The following ECE2 variants were observed in gnomAD, a reference collection of about 807,000 sequenced individuals.
ECE2 encodes the protein endothelin-converting enzyme 2.
In ECE2, 81 loss-of-function variants were observed where a neutral mutation model predicts 100.6. The ratio of observed to expected loss-of-function variants is 0.81; its 90% CI spans 0.67 to 0.97. ECE2 has a LOEUF of 0.97. Among genes scored for constraint, ECE2 ranks in the 50% least tolerant of loss-of-function variants. The probability of loss-of-function intolerance (pLI) is 0.00; values close to 1 mark genes in which losing one functional copy is unlikely to be tolerated. For synonymous variants in ECE2, 391 were observed against 391.5 expected (o/e 1.00, Z 0.02); for missense variants, 911 against 988.1 (o/e 0.92, Z 1.05).
At chr3:184,290,075 T>C (rs1297317159) in intron 13 of ECE2, among the ~76,000 whole-genome samples, 180 bp from the exon 14 acceptor site, 1 of 152,182 alleles carries the variant, frequency 6.6e-6, no homozygotes, top group Non-Finnish European at 1.5e-5. Context: ...GAATACAGTA[T>C]GTAAAAAAAC....
rs970231518 is a variant in ECE2 at position 184,292,468 on chromosome 3, C to T, written c.*230C>T. The T allele has an allele frequency of 3.9e-5, 22 of 567,988 alleles. No individual in the cohort carries two copies. In the Admixed American group the frequency reaches 4.3e-4, roughly 11 times the overall value. 35.2% of individuals were successfully genotyped at this position (567,988 alleles called of 1,614,324 possible). ...CCCACCATTCACTGTGACATCTTTCCGTGTCACCCTGCCTGGAAGAGGTCT... is the reference window on the plus strand; with the variant it reads ...CCCACCATTCACTGTGACATCTTTCTGTGTCACCCTGCCTGGAAGAGGTCT... On this transcript the variant is annotated 3_prime_UTR_variant, in exon 19 of 19. Transcript: ENST00000404464.
rs748946851 is a variant in ECE2 at position 184,277,415 on chromosome 3, A to G, written c.427A>G (p.Thr143Ala). ...GCCCGATGGGCGTTCTCGCTGGAACACCTTCAACAGCCTCTGGGACCAAAA... is the reference window on the plus strand; with the variant it reads ...GCCCGATGGGCGTTCTCGCTGGAACGCCTTCAACAGCCTCTGGGACCAAAA... ...PLPDGRSRWN[T>A]FNSLWDQNQA... is the part of the protein sequence containing the mutation. The change falls in exon 4 of 19, where the codon ACC becomes GCC. Residue 143 changes from threonine to alanine, a missense_variant. Physicochemically the swap from Thr to Ala is moderately conservative, Grantham distance 58 (BLOSUM62 0). Coordinates refer to ENST00000404464, the MANE Select transcript of ECE2 (RefSeq NM_001100121.2). The G allele has an allele frequency of 1.2e-6, 2 of 1,614,162 alleles. No homozygotes were observed. Among genetic ancestry groups the G allele is most frequent in the Admixed American group, 3.3e-5 (2 of 60,034 alleles).
chr3:184,288,935 T>C (rs1004248369), intron 11 of ECE2, among the ~76,000 whole-genome samples: 10 of 152,132 alleles, frequency 6.6e-5, no homozygotes, highest in African/African-American at 2.2e-4. Context: ...GGCGGGTGGA[T>C]CACGTGGTCA....
At chr3:184,290,431 A>G in intron 14 of ECE2, 73 bp downstream of exon 14, 1 of 1,571,066 alleles carries the variant, frequency 6.4e-7, no homozygotes, top group Non-Finnish European at 8.8e-7. Flanking sequence ...GGATGGGGGA[A>G]AAGGGTGGCA....
Position 184,291,254 on chromosome 3 carries a change from A to G in ECE2, c.2025+24A>G, listed in dbSNP as rs1369254980. ...ATGTGAGTGGCCTGACCAGCCCTCC[A>G]GCGGCTGAGGCCTGCTGGCCTGGGG... On this transcript the variant is annotated intron_variant, in intron 17 of 18. Coordinates refer to ENST00000404464, the MANE Select transcript of ECE2 (RefSeq NM_001100121.2). The surrounding 1 kb of genome is among the most constrained non-coding windows in gnomAD (Gnocchi z 4.1). 1 of 1,603,570 alleles carries G rather than the reference A, an allele frequency of 6.2e-7. No homozygotes were observed. The highest frequency in any genetic ancestry group is 2.2e-5 in the East Asian group (1 of 44,786).
intron 7 of ECE2, among the ~76,000 whole-genome samples, chr3:184,279,704 G>T (rs1425163414): frequency 6.6e-6 from 1 of 151,432 alleles, no homozygotes; most frequent in Non-Finnish European, 1.5e-5. Context: ...GGTGTGTCTG[G>T]ACCATGGCAA....
intron 4 of ECE2, among the ~76,000 whole-genome samples, 185 bp from the exon 5 acceptor site, chr3:184,277,740 A>C (rs1488421967): frequency 6.6e-6 from 1 of 152,234 alleles, no homozygotes; most frequent in East Asian, 1.9e-4. Flanking sequence ...TGTACTGCTT[A>C]GATATCCTTG....
In ECE2 at chr3:184,289,120, A is replaced by G. The variant is rs374516911; in HGVS notation, c.1375-317A>G. Among the ~76,000 whole-genome samples the G allele has an allele frequency of 1.2e-3, 175 of 151,432 alleles. No homozygotes were observed. The highest frequency in any genetic ancestry group is 4.1e-3 in the African/African-American group (170 of 41,262). ...CAGTGAGCCGAGATTGCGCCACTGC[A>G]CTCCATCCTAGGTAACACAGCCAGA... On this transcript the variant is annotated intron_variant, in intron 11 of 18. Transcript: ENST00000404464. This position sits in a 1 kb window ranked among gnomAD's most constrained non-coding sequence, Gnocchi z 4.1.
At chr3:184,276,399 G>A in intron 1 of ECE2, 82 bp from the exon 2 acceptor site, 1 of 1,527,322 alleles carries the variant, frequency 6.5e-7, no homozygotes, top group Non-Finnish European at 8.9e-7. Flanking sequence ...AGGGGTCCGC[G>A]AGGCAGGGAG....
At position 184,278,514 on chromosome 3, in the gene ECE2, T is replaced by C; in HGVS notation, c.773T>C (p.Leu258Pro). ...VIQVDQSGLF[L>P]PSRDYYLNRT... Reference sequence around the variant, plus strand: ...CAGGTGGACCAGTCTGGGCTCTTTCTGCCCTCTCGGGATTACTACTTAAAC... The same window carrying C: ...CAGGTGGACCAGTCTGGGCTCTTTCCGCCCTCTCGGGATTACTACTTAAAC... Residue 258 changes from leucine to proline, a missense_variant, in exon 7 of 19, where the codon CTG becomes CCG. Transcript: ENST00000404464. The C allele has an allele frequency of 6.2e-7, 1 of 1,614,074 alleles. No individual in the cohort carries two copies. Among genetic ancestry groups the C allele is most frequent in the South Asian group, 1.1e-5 (1 of 91,074 alleles).
chr3:184,287,133 G>A (rs1237725910), intron 10 of ECE2, among the ~76,000 whole-genome samples: 8 of 151,844 alleles, frequency 5.3e-5, no homozygotes, highest in Admixed American at 1.3e-4. Flanking sequence ...AAATTTAGCC[G>A]GGCGTGGTGG....
At chr3:184,279,682 A>C (rs1478870267) in intron 7 of ECE2, among the ~76,000 whole-genome samples, 1 of 149,020 alleles carries the variant, frequency 6.7e-6, no homozygotes, top group African/African-American at 2.5e-5. Flanking sequence ...AGTGTTGACG[A>C]GGGAAAGGCT....
At position 184,276,420 on chromosome 3, in the gene ECE2, G is replaced by A. The variant is rs564507380; in HGVS notation, c.40-61G>A. The stretch of plus-strand genomic sequence containing the variant: ...CCGCGAGGCAGGGAGCACTGGGGCA[G>A]GGTCGTGGGCAAATAGCCCTCTCTG... On this transcript the variant is annotated intron_variant, in intron 1 of 18. Coordinates refer to ENST00000404464, the MANE Select transcript of ECE2 (RefSeq NM_001100121.2). 5 of 1,558,528 alleles carry A rather than the reference G, an allele frequency of 3.2e-6. No individual in the cohort carries two copies. The South Asian group carries it at 5.9e-5, about 18-fold the overall frequency.
Position 184,291,787 on chromosome 3 carries a change from G to A in ECE2, c.2122-275G>A, listed in dbSNP as rs1205873399. 1.9e-6 allele frequency: 1 copy of A among 526,060 alleles called. No individual in the cohort carries two copies. Among genetic ancestry groups the A allele is most frequent in the Non-Finnish European group, 3.4e-6 (1 of 297,072 alleles). 32.6% of individuals were successfully genotyped at this position (526,060 alleles called of 1,614,324 possible). On this transcript the variant is annotated intron_variant, in intron 18 of 18. Coordinates refer to ENST00000404464, the MANE Select transcript of ECE2 (RefSeq NM_001100121.2). The surrounding 1 kb of genome is among the most constrained non-coding windows in gnomAD (Gnocchi z 4.1). ...AGGAAACGAAAGCTCGGGACGCAGA[G>A]TGGCCTGTCCAGGGCTGCCCAGGAA...
At position 184,283,385 on chromosome 3, in the gene ECE2, AC is replaced by A. The variant is rs566498663; in HGVS notation, c.817-396del. On this transcript the variant is annotated intron_variant, in intron 7 of 18. Transcript: ENST00000404464. ...AGACCAGCCTGGCTAACATGGTGAAACCCCGTCTCTACTAAAAATACAAAAA... is the reference window on the plus strand; with the variant it reads ...AGACCAGCCTGGCTAACATGGTGAAACCCGTCTCTACTAAAAATACAAAAA... 2.0e-4 allele frequency among the ~76,000 whole-genome samples: 30 copies of A among 151,682 alleles called. No homozygotes were observed. In the South Asian group the frequency reaches 6.3e-3, roughly 32 times the overall value.
rs764246195 is a variant in ECE2, at chr3:184,277,295, G to C, written c.307G>C (p.Ala103Pro). ...CCTTACAGAGGCCTGCATTCGAGTGGCTGGAAAAATCCTGGAGTCCCTGGA... is the reference window on the plus strand; with the variant it reads ...CCTTACAGAGGCCTGCATTCGAGTGCCTGGAAAAATCCTGGAGTCCCTGGA... ...TCLTEACIRV[A>P]GKILESLDRG... The change falls in exon 4 of 19, where the codon GCT becomes CCT. Residue 103 changes from alanine (A) to proline (P), a missense_variant. By Grantham distance (27) the Ala-to-Pro change is conservative. Coordinates refer to ENST00000404464, the MANE Select transcript of ECE2 (RefSeq NM_001100121.2). 6.2e-7 allele frequency: 1 copy of C among 1,614,220 alleles called. No homozygotes were observed. Among genetic ancestry groups the C allele is most frequent in the Admixed American group, 1.7e-5 (1 of 60,022 alleles).
At chr3:184,278,460 G>T in intron 6 of ECE2, 32 bp from the exon 7 acceptor site, 1 of 1,610,672 alleles carries the variant, frequency 6.2e-7, no homozygotes, top group Admixed American at 1.7e-5. Context: ...TGGGGAAAGC[G>T]AGGGGCTCAC....
chr3:184,276,957 A>G lies in ECE2; in HGVS notation c.192A>G (p.Ala64=). 1 of 1,614,174 alleles carries G rather than the reference A, an allele frequency of 6.2e-7. No individual in the cohort carries two copies. The highest frequency in any genetic ancestry group is 8.5e-7 in the Non-Finnish European group (1 of 1,180,018). The part of the protein sequence containing the change: ...GSRTQLELVL[A]GASLLLAALL... ...GCACGCAGCTGGAGCTGGTCTTAGC[A>G]GGTGCCTCTCTACTGCTGGCTGCAC... The change falls in exon 3 of 19, where the codon GCA becomes GCG. Residue 64 remains alanine, a synonymous_variant. Coordinates refer to ENST00000404464, the MANE Select transcript of ECE2 (RefSeq NM_001100121.2).
chr3:184,291,811 A>G lies in ECE2; in HGVS notation c.2122-251A>G. 1.8e-6 allele frequency: 1 copy of G among 554,660 alleles called. No homozygotes were observed. Among genetic ancestry groups the G allele is most frequent in the Non-Finnish European group, 3.2e-6 (1 of 313,274 alleles). 34.4% of individuals were successfully genotyped at this position (554,660 alleles called of 1,614,324 possible). On this transcript the variant is annotated intron_variant, in intron 18 of 18. Coordinates refer to ENST00000404464, the MANE Select transcript of ECE2 (RefSeq NM_001100121.2). This position sits in a 1 kb window ranked among gnomAD's most constrained non-coding sequence, Gnocchi z 4.1. ...AGTGGCCTGTCCAGGGCTGCCCAGG[A>G]ATAGAGTAAGTGGCAGAGCAAGGAC...
Sources: allele counts gnomAD v4.1 joint callset (sites outside exome capture counted in the v4.1 genomes callset), GRCh38; gene constraint gnomAD v4.1.1; non-coding constraint Gnocchi (gnomAD v3.1); transcripts MANE v1.5; gene names NCBI Gene and HGNC (gene_info 2026-07-23, HGNC 2026-07-21).